Variants in KALRN observed in about 807,000 individuals in gnomAD.
KALRN encodes kalirin RhoGEF kinase.
A neutral mutation model predicts 353.7 loss-of-function variants in KALRN; 70 were observed. The ratio of observed to expected loss-of-function variants is 0.20; its 90% CI spans 0.16 to 0.24. The LOEUF (loss-of-function observed/expected upper bound fraction) is 0.24. Ranked by LOEUF, KALRN falls within the 10% of genes least tolerant of loss-of-function variation. The pLI is 1.00. For missense variants in KALRN, 2,791 were observed against 3,756.7 expected (o/e 0.74, Z 6.72); for synonymous variants, 1,391 against 1,434.8 (o/e 0.97, Z 0.69).
At chr3:124,609,583 C>G (rs1199253918) in intron 34 of KALRN, among the ~76,000 whole-genome samples, 1 of 152,190 alleles carries the variant, frequency 6.6e-6, no homozygotes, top group Non-Finnish European at 1.5e-5. Context: ...AGAAGAGAGA[C>G]GTGCATTCTC....
intron 1 of KALRN, among the ~76,000 whole-genome samples, chr3:124,194,984 G>A (rs769244239): frequency 6.6e-6 from 1 of 152,176 alleles, no homozygotes; most frequent in Non-Finnish European, 1.5e-5. Flanking sequence ...GGGGATGGGA[G>A]AATGACAAGT....
intron 11 of KALRN, among the ~76,000 whole-genome samples, chr3:124,390,269 A>G (rs2089151301): frequency 6.6e-6 from 1 of 152,232 alleles, no homozygotes; most frequent in South Asian, 2.1e-4. Flanking sequence ...ACCCGTTTTT[A>G]GATATTTTTG....
At chr3:124,318,250 C>T (rs555511410) in intron 6 of KALRN, among the ~76,000 whole-genome samples, 1 of 152,298 alleles carries the variant, frequency 6.6e-6, no homozygotes, top group African/African-American at 2.4e-5. Context: ...ATGGCCTCCA[C>T]ATGGTTTGGC....
At chr3:124,151,408 G>A (rs755912762) in intron 1 of KALRN, among the ~76,000 whole-genome samples, 10 of 152,128 alleles carry the variant, frequency 6.6e-5, no homozygotes, top group East Asian at 1.9e-4. Context: ...CATTGTGGGC[G>A]TTATGTTTTT....
chr3:124,397,884 C>T (rs970406512), intron 12 of KALRN, among the ~76,000 whole-genome samples: 4 of 152,222 alleles, frequency 2.6e-5, no homozygotes, highest in African/African-American at 4.8e-5. Flanking sequence ...CTGATCAGCA[C>T]TTGACACTTC....
At position 124,674,397 on chromosome 3, in the gene KALRN, A is replaced by T. The variant is rs558112961; in HGVS notation, c.6976A>T (p.Met2326Leu). ...DLGGCNGTSS[M>L]AVIKDYYALK... ...GGGAGGCTGCAATGGGACCTCGTCC[A>T]TGGCCGTGATCAAAGATTACTATGC... Residue 2326 changes from methionine (M) to leucine (L), a missense_variant, in exon 49 of 60, where the codon ATG becomes TTG. This residue lies in a region of KALRN where 1,065 missense variants were observed against 1,156.4 expected (regional missense o/e 0.92). Transcript: ENST00000682506. The T allele has an allele frequency of 6.2e-7, 1 of 1,613,846 alleles. No individual in the cohort carries two copies. The highest frequency in any genetic ancestry group is 1.3e-5 in the African/African-American group (1 of 75,006).
intron 34 of KALRN, among the ~76,000 whole-genome samples, chr3:124,616,016 A>G (rs2078543878): frequency 6.6e-6 from 1 of 152,162 alleles, no homozygotes; most frequent in Non-Finnish European, 1.5e-5. Flanking sequence ...AAGAGACCCT[A>G]AGCCTTCACA....
intron 3 of KALRN, among the ~76,000 whole-genome samples, chr3:124,251,979 A>G (rs1033418573): frequency 2.0e-5 from 3 of 152,168 alleles, no homozygotes; most frequent in Non-Finnish European, 4.4e-5. Context: ...ATTAGGTAGC[A>G]GACTTTAAAA....
chr3:124,084,961 C>T (rs1266331874), intron 1 of KALRN, among the ~76,000 whole-genome samples: 1 of 152,194 alleles, frequency 6.6e-6, no homozygotes, highest in East Asian at 1.9e-4. Context: ...CTCCCTCAGA[C>T]ACCCCACATC....
At chr3:124,074,157 A>G (rs2060152765) in intron 1 of KALRN, among the ~76,000 whole-genome samples, 1 of 152,114 alleles carries the variant, frequency 6.6e-6, no homozygotes, top group South Asian at 2.1e-4. Context: ...TTGCATTTCT[A>G]CAGTCAGCTC....
intron 33 of KALRN, among the ~76,000 whole-genome samples, chr3:124,499,437 A>G (rs916458300): frequency 6.6e-6 from 1 of 152,244 alleles, no homozygotes; most frequent in African/African-American, 2.4e-5. Flanking sequence ...CATTCAGTAA[A>G]GGTTAATTCC....
intron 11 of KALRN, among the ~76,000 whole-genome samples, chr3:124,385,881 G>A (rs192897091): frequency 1.8e-4 from 28 of 152,180 alleles, no homozygotes; most frequent in Middle Eastern, 6.8e-3. Context: ...AACTCATTAG[G>A]TGTATGCATG....
At chr3:124,121,181 G>A (rs1253713422) in intron 1 of KALRN, among the ~76,000 whole-genome samples, 1 of 151,536 alleles carries the variant, frequency 6.6e-6, no homozygotes, top group African/African-American at 2.4e-5. Flanking sequence ...AGTAATGTGA[G>A]TTCCAGGAGA....
intron 1 of KALRN, among the ~76,000 whole-genome samples, chr3:124,034,191 T>C (rs1266429246): frequency 2.0e-5 from 3 of 151,740 alleles, no homozygotes; most frequent in South Asian, 4.1e-4. Context: ...CCCTCCCCTG[T>C]GCCTGTCAGC....
intron 33 of KALRN, among the ~76,000 whole-genome samples, chr3:124,523,337 T>A (rs2067315243): frequency 6.6e-6 from 1 of 152,232 alleles, no homozygotes; most frequent in South Asian, 2.1e-4. Context: ...TGCAAGTAGA[T>A]TATTCATATA....
chr3:124,216,087 GC>G (rs2077301541), intron 1 of KALRN, among the ~76,000 whole-genome samples: 1 of 152,158 alleles, frequency 6.6e-6, no homozygotes, highest in African/African-American at 2.4e-5. Context: ...AGTTCTTCCA[GC>G]TCTTAGTAGC....
intron 1 of KALRN, among the ~76,000 whole-genome samples, chr3:124,065,457 T>G (rs1038990370): frequency 5.3e-5 from 8 of 152,188 alleles, no homozygotes; most frequent in African/African-American, 1.9e-4. Context: ...ATTTAAGAGA[T>G]TCATATTGTA....
intron 57 of KALRN, among the ~76,000 whole-genome samples, chr3:124,708,562 TA>T (rs1450666414): frequency 6.6e-6 from 1 of 152,038 alleles, no homozygotes; most frequent in African/African-American, 2.4e-5. Context: ...GGAAGAAATA[TA>T]AATTATCTGA....
intron 6 of KALRN, among the ~76,000 whole-genome samples, chr3:124,299,297 T>C (rs771412690): frequency 6.6e-6 from 1 of 152,070 alleles, no homozygotes; most frequent in Non-Finnish European, 1.5e-5. Context: ...TTGGAAATGG[T>C]TGAGTGACCC....
Sources: allele counts gnomAD v4.1 joint callset (sites outside exome capture counted in the v4.1 genomes callset), GRCh38; gene constraint gnomAD v4.1.1; regional missense constraint gnomAD v4.1.1; transcripts MANE v1.5; gene names NCBI Gene and HGNC (gene_info 2026-07-23, HGNC 2026-07-21).